Variants in ADAM10 observed in about 807,000 individuals in gnomAD.
ADAM10 encodes disintegrin and metalloproteinase domain-containing protein 10.
In ADAM10, 17 loss-of-function variants were observed where a neutral mutation model predicts 90.1. The ratio of observed to expected loss-of-function variants is 0.19; its 90% CI spans 0.13 to 0.28. The LOEUF (loss-of-function observed/expected upper bound fraction) is 0.28. Among genes scored for constraint, ADAM10 ranks in the 10% least tolerant of loss-of-function variants. ADAM10 has a pLI of 1.00. For synonymous variants in ADAM10, 310 were observed against 298.6 expected (o/e 1.04, Z -0.40); for missense variants, 610 against 914.3 (o/e 0.67, Z 4.29).
intron 1 of ADAM10, among the ~76,000 whole-genome samples, chr15:58,739,203 A>G (rs1039894183): frequency 2.0e-5 from 3 of 152,172 alleles, no homozygotes; most frequent in Non-Finnish European, 4.4e-5. Flanking sequence ...TACCAAGAAA[A>G]TTTATAAATT....
At chr15:58,699,434 A>G (rs879514726) in intron 2 of ADAM10, among the ~76,000 whole-genome samples, 2 of 152,186 alleles carry the variant, frequency 1.3e-5, no homozygotes, top group Non-Finnish European at 2.9e-5. Context: ...CCAAACCACA[A>G]TGATAAACAA....
rs1443777825 is a variant in ADAM10, at chr15:58,635,285, AAAAAAAAAG to A, written c.1013-1935_1013-1927del. 1.1e-3 allele frequency among the ~76,000 whole-genome samples: 165 copies of A among 148,808 alleles called. 1 individual carries two copies. The highest frequency in any genetic ancestry group is 3.8e-3 in the African/African-American group (153 of 40,580). ...GCAAGACTCTGTCTCAAAAAAAAAA[AAAAAAAAAG>A]AAAGAAAGAAAGAAAATACAAATAA... On this transcript the variant is annotated intron_variant, in intron 8 of 15. Transcript: ENST00000260408.
At chr15:58,669,666 G>A (rs1426034207) in intron 4 of ADAM10, among the ~76,000 whole-genome samples, 1 of 151,790 alleles carries the variant, frequency 6.6e-6, no homozygotes, top group Non-Finnish European at 1.5e-5. Flanking sequence ...CTCTTTAATC[G>A]ACCAATACTT....
chr15:58,624,901 C>T (rs1313365874), intron 10 of ADAM10, among the ~76,000 whole-genome samples: 1 of 152,108 alleles, frequency 6.6e-6, no homozygotes, highest in Non-Finnish European at 1.5e-5. Flanking sequence ...AAAAAATTTT[C>T]TTTCCTGTTA....
chr15:58,728,798 A>G (rs1270866421), intron 1 of ADAM10, among the ~76,000 whole-genome samples: 1 of 152,228 alleles, frequency 6.6e-6, no homozygotes, highest in Non-Finnish European at 1.5e-5. Flanking sequence ...CAGTAAAATA[A>G]ATGAATTAAC....
chr15:58,652,365 C>T (rs1896710666), intron 5 of ADAM10, among the ~76,000 whole-genome samples: 1 of 152,164 alleles, frequency 6.6e-6, no homozygotes, highest in Non-Finnish European at 1.5e-5. Context: ...GCAGCAGTCT[C>T]ACAGTGGAGC....
At chr15:58,704,397 G>A (rs536426926) in intron 2 of ADAM10, among the ~76,000 whole-genome samples, 4 of 152,222 alleles carry the variant, frequency 2.6e-5, no homozygotes, top group South Asian at 2.1e-4. Context: ...CGTTGTGCAT[G>A]TACTTAATGC....
intron 4 of ADAM10, among the ~76,000 whole-genome samples, chr15:58,669,577 T>C (rs919888275): frequency 6.6e-5 from 10 of 152,130 alleles, no homozygotes; most frequent in African/African-American, 2.4e-4. Context: ...ATGCCCCCTC[T>C]CTAGAGCTCA....
chr15:58,640,834 T>C lies in ADAM10; in HGVS notation c.955A>G (p.Thr319Ala). The C allele has an allele frequency of 6.2e-7, 1 of 1,614,154 alleles. No homozygotes were observed. Among genetic ancestry groups the C allele is most frequent in the Non-Finnish European group, 8.5e-7 (1 of 1,180,022 alleles). ...ACGCCATCATCAAAATCTCGGTCTG[T>C]GAAGACATAGGCCAAACAGTAGTCA... ...HDDYCLAYVF[T>A]DRDFDDGVLG... Residue 319 changes from threonine to alanine, a missense_variant, in exon 8 of 16, where the codon ACA (threonine) becomes GCA (alanine). Transcript: ENST00000260408.
At chr15:58,717,793 T>C in intron 1 of ADAM10, 66 bp from the exon 2 acceptor site, 2 of 1,564,886 alleles carry the variant, frequency 1.3e-6, no homozygotes. Flanking sequence ...TCTAACACGA[T>C]TATTCAAGTA....
chr15:58,615,957 G>A (rs1895598607), intron 11 of ADAM10, among the ~76,000 whole-genome samples: 1 of 151,870 alleles, frequency 6.6e-6, no homozygotes, highest in Non-Finnish European at 1.5e-5. Flanking sequence ...GCAGTGAGCC[G>A]AGATCATGCC....
chr15:58,692,999 C>T (rs766006613), intron 2 of ADAM10: 20 of 782,918 alleles, frequency 2.6e-5, no homozygotes, highest in Non-Finnish European at 4.1e-5. Flanking sequence ...TCTTTACCAC[C>T]GTCCAACTTG....
chr15:58,712,428 G>A (rs1179150900), intron 2 of ADAM10, among the ~76,000 whole-genome samples: 1 of 151,354 alleles, frequency 6.6e-6, no homozygotes, highest in South Asian at 2.1e-4. Context: ...GGAGGCTGAG[G>A]TGAGAGGATG....
intron 4 of ADAM10, chr15:58,672,775 G>T (rs564924149): frequency 3.1e-4 from 31 of 99,750 alleles, no homozygotes; most frequent in African/African-American, 1.7e-3. Context: ...CTAAAGGAAG[G>T]CCTCATGCAG....
chr15:58,601,630 G>C (rs1450596012), intron 14 of ADAM10, among the ~76,000 whole-genome samples: 3 of 152,116 alleles, frequency 2.0e-5, no homozygotes, highest in Non-Finnish European at 4.4e-5. Context: ...CAGGAAATCA[G>C]GGCTGATACA....
At chr15:58,653,001 C>G (rs1896725338) in intron 5 of ADAM10, among the ~76,000 whole-genome samples, 1 of 152,082 alleles carries the variant, frequency 6.6e-6, no homozygotes, top group Non-Finnish European at 1.5e-5. Flanking sequence ...GATTGCTTCT[C>G]TTTTTCAGAC....
At chr15:58,694,638 G>C (rs546764803) in intron 2 of ADAM10, among the ~76,000 whole-genome samples, 6 of 151,800 alleles carry the variant, frequency 4.0e-5, no homozygotes, top group African/African-American at 7.3e-5. Flanking sequence ...GAACACAAAT[G>C]TTAGCAGCAG....
chr15:58,691,182 T>C (rs1897774992), intron 2 of ADAM10: 2 of 722,632 alleles, frequency 2.8e-6, no homozygotes, highest in African/African-American at 3.5e-5. Flanking sequence ...AACCTTCTTA[T>C]CTAAGATTTC....
intron 9 of ADAM10, among the ~76,000 whole-genome samples, chr15:58,628,433 T>G (rs1253923395): frequency 6.6e-6 from 1 of 152,136 alleles, no homozygotes; most frequent in African/African-American, 2.4e-5. Flanking sequence ...TATTTTTAAA[T>G]GAAAAATGGT....
Sources: allele counts gnomAD v4.1 joint callset (sites outside exome capture counted in the v4.1 genomes callset), GRCh38; gene constraint gnomAD v4.1.1; transcripts MANE v1.5; gene names NCBI Gene and HGNC (gene_info 2026-07-23, HGNC 2026-07-21).